The following TTC7A variants were observed in gnomAD, a reference collection of about 807,000 sequenced individuals.
TTC7A encodes the protein tetratricopeptide repeat protein 7A.
In TTC7A, 110 loss-of-function variants were observed where a neutral mutation model predicts 103.7. The ratio of observed to expected loss-of-function variants is 1.06; its 90% CI spans 0.91 to 1.24. The LOEUF is 1.24. Among genes scored for constraint, TTC7A ranks in the 50% most tolerant of loss-of-function variants. TTC7A has a pLI of 0.00. For missense variants in TTC7A, 1,340 were observed against 1,116.3 expected (o/e 1.20, Z -2.86); for synonymous variants, 521 against 467.9 (o/e 1.11, Z -1.47).
intron 2 of TTC7A, chr2:46,917,425 C>T (rs748355061): frequency 1.8e-6 from 1 of 564,260 alleles, no homozygotes; most frequent in Non-Finnish European, 3.1e-6. Context: ...TCCATCTCTT[C>T]ATCCATTCAT....
intron 8 of TTC7A, among the ~76,000 whole-genome samples, chr2:47,004,159 G>GTT (rs1302407359): frequency 2.6e-5 from 4 of 152,148 alleles, no homozygotes; most frequent in African/African-American, 9.7e-5. Context: ...ACCCTCTCCT[G>GTT]GGCCATCTAA....
At chr2:46,999,400 A>G in intron 8 of TTC7A, 2 of 708,586 alleles carry the variant, frequency 2.8e-6, no homozygotes, top group Non-Finnish European at 3.5e-6. Flanking sequence ...TCATCCATCC[A>G]GCCACCTACC....
chr2:47,072,503 C>A lies in TTC7A; in HGVS notation c.2356-1199C>A, dbSNP rs140549957. Among the ~76,000 whole-genome samples the A allele has an allele frequency of 5.4e-4, 82 of 152,374 alleles. 2 individuals are homozygous for A. In the East Asian group the frequency reaches 9.6e-3, roughly 18 times the overall value. On this transcript the variant is annotated intron_variant, in intron 19 of 19. Coordinates refer to ENST00000319190, the MANE Select transcript of TTC7A (RefSeq NM_020458.4). ...TGAAACCAGGCATGCGCATCTTCCCCAGCGCGTCTCCATAGCAACAGAGGG... is the reference window on the plus strand; with the variant it reads ...TGAAACCAGGCATGCGCATCTTCCCAAGCGCGTCTCCATAGCAACAGAGGG...
intron 4 of TTC7A, among the ~76,000 whole-genome samples, chr2:46,975,892 G>A (rs377284518): frequency 6.6e-5 from 10 of 151,830 alleles, no homozygotes; most frequent in African/African-American, 2.2e-4. Context: ...GCCTGCCACC[G>A]TGCCCTTCTA....
intron 5 of TTC7A, among the ~76,000 whole-genome samples, chr2:46,984,609 A>G (rs890782594): frequency 6.6e-6 from 1 of 152,208 alleles, no homozygotes; most frequent in Admixed American, 6.5e-5. Flanking sequence ...TTCTGCAGGT[A>G]TGACTTTAAT....
At chr2:46,981,751 GC>G (rs1411761229) in intron 5 of TTC7A, among the ~76,000 whole-genome samples, 1 of 152,224 alleles carries the variant, frequency 6.6e-6, no homozygotes. Context: ...CACCGTTCTG[GC>G]CCAGGCAGCT....
chr2:46,934,322 A>C (rs1237722952), intron 2 of TTC7A, among the ~76,000 whole-genome samples: 1 of 152,054 alleles, frequency 6.6e-6, no homozygotes, highest in African/African-American at 2.4e-5. Context: ...GCAGTGGCAC[A>C]ATCTCAGCTC....
At chr2:46,974,370 G>T (rs1401514840) in intron 3 of TTC7A, among the ~76,000 whole-genome samples, 1 of 152,222 alleles carries the variant, frequency 6.6e-6, no homozygotes. Flanking sequence ...GCACCGTCAC[G>T]GGCAGAGCTA....
chr2:47,043,325 G>C (rs1487204965), intron 15 of TTC7A, among the ~76,000 whole-genome samples: 10 of 152,210 alleles, frequency 6.6e-5, no homozygotes, highest in Non-Finnish European at 5.9e-5. Flanking sequence ...CTTAGAGGGG[G>C]TTGTGCACAG....
chr2:47,018,102 C>A (rs1227725613), intron 11 of TTC7A, among the ~76,000 whole-genome samples: 2 of 151,536 alleles, frequency 1.3e-5, no homozygotes, highest in African/African-American at 4.9e-5. Flanking sequence ...CATGGTGAAA[C>A]CCCATCTCTA....
At chr2:47,066,748 G>T (rs373419871) in intron 19 of TTC7A, among the ~76,000 whole-genome samples, 4 of 152,294 alleles carry the variant, frequency 2.6e-5, no homozygotes, top group African/African-American at 7.2e-5. Context: ...TAGAGACAAG[G>T]TCTCACTATG....
At chr2:47,053,372 C>G (rs1056952240) in intron 18 of TTC7A, among the ~76,000 whole-genome samples, 1 of 152,218 alleles carries the variant, frequency 6.6e-6, no homozygotes, top group African/African-American at 2.4e-5. Context: ...CCCCAGCCCC[C>G]ACAGCTTCGC....
chr2:47,026,873 G>C (rs900487203), intron 14 of TTC7A, among the ~76,000 whole-genome samples: 9 of 152,178 alleles, frequency 5.9e-5, no homozygotes, highest in African/African-American at 2.2e-4. Flanking sequence ...GTGCCAGCTG[G>C]GAAGTGGCAG....
At chr2:46,923,616 G>A (rs1485682759) in intron 2 of TTC7A, among the ~76,000 whole-genome samples, 1 of 152,160 alleles carries the variant, frequency 6.6e-6, no homozygotes, top group Non-Finnish European at 1.5e-5. Context: ...AATTGACCAG[G>A]TGTGATGGTT....
In TTC7A at chr2:46,942,571, C is replaced by T. The variant is rs551478732; in HGVS notation, c.184+846C>T. 2.6e-5 allele frequency among the ~76,000 whole-genome samples: 4 copies of T among 152,316 alleles called. No individual in the cohort carries two copies. The East Asian group carries it at 5.8e-4, about 22-fold the overall frequency. ...TAATAGTAATAGTCAACGCTTACTTCGTGCTTCCTGTGTGCCAGACACTGT... is the reference window on the plus strand; with the variant it reads ...TAATAGTAATAGTCAACGCTTACTTTGTGCTTCCTGTGTGCCAGACACTGT... On this transcript the variant is annotated intron_variant, in intron 1 of 19. Transcript: ENST00000319190.
intron 2 of TTC7A, among the ~76,000 whole-genome samples, chr2:46,927,873 G>T (rs939507024): frequency 1.3e-4 from 18 of 135,962 alleles, no homozygotes; most frequent in Admixed American, 7.4e-5. Context: ...TAATATTGGG[G>T]TTTTTTTGGT....
intron 15 of TTC7A, among the ~76,000 whole-genome samples, chr2:47,031,060 T>G (rs960384549): frequency 6.6e-6 from 1 of 152,054 alleles, no homozygotes; most frequent in Non-Finnish European, 1.5e-5. Flanking sequence ...GGCAGGAGAA[T>G]CACTTGAATC....
In TTC7A at chr2:46,941,962, T is replaced by C. The variant is rs764154798; in HGVS notation, c.184+237T>C. ...TTTTGCTCTGTGTCCTTTAGGATAA[T>C]GTGGCTAACTCTGTCTACCGTGAAA... On this transcript the variant is annotated intron_variant, in intron 1 of 19. Transcript: ENST00000319190. This position sits in a 1 kb window ranked among gnomAD's most constrained non-coding sequence, Gnocchi z 4.2. 1.8e-5 allele frequency: 11 copies of C among 594,990 alleles called. No individual in the cohort carries two copies. The highest frequency in any genetic ancestry group is 3.0e-5 in the Non-Finnish European group (10 of 334,598). 36.9% of individuals were successfully genotyped at this position (594,990 alleles called of 1,614,324 possible).
In TTC7A at chr2:46,917,214, C is replaced by A. The variant is rs753536073; in HGVS notation, c.19C>A (p.Arg7=). The A allele has an allele frequency of 5.7e-6, 4 of 700,692 alleles. No homozygotes were observed. The East Asian group carries it at 8.1e-5, about 14-fold the overall frequency. The allele number at this position is 700,692 out of a possible 1,614,324, so 43.4% of individuals were successfully genotyped here. A position where few individuals can be genotyped will look rare whatever the true frequency, so the allele number is the denominator to read the frequency against. The change falls in exon 2 of 21, where the codon CGA becomes AGA. Residue 7 remains arginine, a synonymous_variant. Transcript: ENST00000409245. ...AGTCTCCATGGTGCCCAGCTCGTCT[C>A]GAACTCCTGGGTTCAAGCAATCCTC...
Sources: allele counts gnomAD v4.1 joint callset (sites outside exome capture counted in the v4.1 genomes callset), GRCh38; gene constraint gnomAD v4.1.1; non-coding constraint Gnocchi (gnomAD v3.1); transcripts MANE v1.5; gene names NCBI Gene and HGNC (gene_info 2026-07-23, HGNC 2026-07-21).